Variants in FBXL14 observed in about 807,000 individuals in gnomAD.
FBXL14 encodes the protein F-box and leucine rich repeat protein 14.
Under a neutral mutation model 24.5 loss-of-function variants are expected in FBXL14, and 11 were observed. That is an observed-to-expected ratio of 0.45 (90% CI 0.28 to 0.74). The LOEUF (loss-of-function observed/expected upper bound fraction) is 0.74, where lower values mean the gene tolerates loss of function less well. FBXL14 is among the 30% of genes least tolerant of loss of function. FBXL14 has a pLI of 0.12. For missense variants in FBXL14, 384 were observed against 545.6 expected (o/e 0.70, Z 2.95); for synonymous variants, 294 against 240.4 (o/e 1.22, Z -2.06).
At chr12:1,591,374 CT>C (rs1438083880) in intron 1 of FBXL14, among the ~76,000 whole-genome samples, 30 of 132,484 alleles carry the variant, frequency 2.3e-4, no homozygotes, top group Admixed American at 2.1e-3. Context: ...CAAAAACATA[CT>C]TCATATTTCC....
At chr12:1,575,486 C>T (rs1490015665) in intron 1 of FBXL14, among the ~76,000 whole-genome samples, 2 of 152,166 alleles carry the variant, frequency 1.3e-5, no homozygotes, top group Admixed American at 6.5e-5. Flanking sequence ...GACACTGTGC[C>T]GTTCGGGATC....
chr12:1,578,814 G>A (rs1448168012), intron 1 of FBXL14, among the ~76,000 whole-genome samples: 3 of 152,146 alleles, frequency 2.0e-5, no homozygotes, highest in South Asian at 2.1e-4. Context: ...AGCTCTCCCT[G>A]TAACTTATCT....
In FBXL14 at chr12:1,569,585, A is replaced by G. The variant is rs992269509; in HGVS notation, c.1195-2775T>C. ...CCGGCTAATTTTTTGTGTTTTTAGT[A>G]GAGATGGGGTTTCACCGTGTTAGCC... On this transcript the variant is annotated intron_variant, in intron 1 of 1. Transcript: ENST00000339235. This position sits in a 1 kb window ranked among gnomAD's most constrained non-coding sequence, Gnocchi z 4.2. Among the ~76,000 whole-genome samples the G allele has an allele frequency of 3.3e-5, 5 of 152,038 alleles. No homozygotes were observed. The highest frequency in any genetic ancestry group is 5.9e-5 in the Non-Finnish European group (4 of 68,002).
rs2094438553 is a variant in FBXL14 at position 1,567,700 on chromosome 12, A to G, written c.1195-890T>C. Among the ~76,000 whole-genome samples, 1 of 152,164 alleles carries G rather than the reference A, an allele frequency of 6.6e-6. No individual in the cohort carries two copies. The highest frequency in any genetic ancestry group is 6.5e-5 in the Admixed American group (1 of 15,270). ...GCGCAATGAAAGCAGGGAGATGGGA[A>G]TCTAAGAAAAAACCAAATGAAGTGA... On this transcript the variant is annotated intron_variant, in intron 1 of 1. Transcript: ENST00000339235. The surrounding 1 kb of genome is among the most constrained non-coding windows in gnomAD (Gnocchi z 4.8).
chr12:1,577,559 C>T (rs2094458257), intron 1 of FBXL14, among the ~76,000 whole-genome samples: 1 of 152,258 alleles, frequency 6.6e-6, no homozygotes, highest in Non-Finnish European at 1.5e-5. Context: ...CATTATCACT[C>T]ACCTGCCCCC....
At chr12:1,580,239 C>T (rs143811796) in intron 1 of FBXL14, among the ~76,000 whole-genome samples, 206 of 152,308 alleles carry the variant, frequency 1.4e-3, no homozygotes, top group African/African-American at 4.7e-3. Context: ...GGTGTATGGA[C>T]ACAGAGCGAA....
intron 1 of FBXL14, chr12:1,587,610 C>T (rs1323201139): frequency 1.3e-5 from 2 of 152,236 alleles, no homozygotes; most frequent in African/African-American, 4.8e-5. Context: ...AAATTCCATA[C>T]AAGAGCTGAG....
intron 1 of FBXL14, among the ~76,000 whole-genome samples, chr12:1,584,640 ACAACCGT>A (rs1451674251): frequency 6.6e-6 from 1 of 152,216 alleles, no homozygotes; most frequent in Non-Finnish European, 1.5e-5. Context: ...TCTGCTTCGT[ACAACCGT>A]CAGCTGTCAG....
chr12:1,580,538 G>C (rs1295567033), intron 1 of FBXL14, among the ~76,000 whole-genome samples: 1 of 152,044 alleles, frequency 6.6e-6, no homozygotes, highest in Non-Finnish European at 1.5e-5. Context: ...ATAGTGGGGG[G>C]GGAGGTCCTT....
At chr12:1,582,206 AAGAG>A (rs954951347) in intron 1 of FBXL14, among the ~76,000 whole-genome samples, 11 of 152,022 alleles carry the variant, frequency 7.2e-5, no homozygotes, top group East Asian at 5.8e-4. Context: ...GGAAGAAAGA[AAGAG>A]AAAGAAGAAA....
intron 1 of FBXL14, among the ~76,000 whole-genome samples, chr12:1,590,584 T>C (rs993544869): frequency 6.6e-6 from 1 of 152,184 alleles, no homozygotes; most frequent in African/African-American, 2.4e-5. Context: ...AGGGAACTCT[T>C]GCTGGAATTC....
rs1488637700 is a variant in FBXL14 at position 1,581,833 on chromosome 12, T to C, written c.1194+11040A>G. On this transcript the variant is annotated intron_variant, in intron 1 of 1. Transcript: ENST00000339235. The stretch of plus-strand genomic sequence containing the variant: ...GAAAGAGGGCCTACCTTCTTGAAAA[T>C]GAAGCCCAGGGCCGGGCCTGGTGAC... 7.9e-5 allele frequency among the ~76,000 whole-genome samples: 12 copies of C among 152,210 alleles called. No homozygotes were observed. The East Asian group carries it at 2.1e-3, about 27-fold the overall frequency.
intron 1 of FBXL14, among the ~76,000 whole-genome samples, chr12:1,571,229 C>T (rs2094444995): frequency 2.0e-5 from 3 of 151,680 alleles, no homozygotes; most frequent in Non-Finnish European, 4.4e-5. Context: ...TTTTTTGAGA[C>T]AGAGTTTTTG....
intron 1 of FBXL14, among the ~76,000 whole-genome samples, chr12:1,571,436 G>T (rs1314031034): frequency 1.3e-5 from 2 of 152,104 alleles, no homozygotes; most frequent in Admixed American, 1.3e-4. Flanking sequence ...TCGAACTCCT[G>T]ACCTCAGGTG....
Position 1,594,041 on chromosome 12 carries a change from A to G in FBXL14, c.26T>C (p.Phe9Ser). ...GAAGATCATGGCCAGCAGCTCCGGG[A>G]ACAGGCATGAGATGTGGGTCTCCAT... Reference protein sequence around the residue: METHISCLFPELLAMIFGY... With the variant: METHISCLSPELLAMIFGY... Residue 9 changes from phenylalanine to serine, a missense_variant, in exon 1 of 2, where the codon TTC becomes TCC. Physicochemically the swap from Phe to Ser is radical, Grantham distance 155. Coordinates refer to ENST00000339235, the MANE Select transcript of FBXL14 (RefSeq NM_152441.3). 6.5e-7 allele frequency: 1 copy of G among 1,549,554 alleles called. No individual in the cohort carries two copies. Among genetic ancestry groups the G allele is most frequent in the Admixed American group, 1.9e-5 (1 of 53,704 alleles).
intron 1 of FBXL14, among the ~76,000 whole-genome samples, chr12:1,572,382 G>A (rs750447811): frequency 4.6e-5 from 7 of 152,234 alleles, no homozygotes; most frequent in South Asian, 2.1e-4. Flanking sequence ...CCTACTGTAC[G>A]TTTGCAACTG....
chr12:1,571,675 A>C (rs890978145), intron 1 of FBXL14, among the ~76,000 whole-genome samples: 2 of 152,214 alleles, frequency 1.3e-5, no homozygotes, highest in African/African-American at 4.8e-5. Flanking sequence ...GCAGTTATCA[A>C]AGAGCGACTT....
At chr12:1,580,472 G>A (rs61596884) in intron 1 of FBXL14, among the ~76,000 whole-genome samples, 8,785 of 152,216 alleles carry the variant, frequency 0.058, 506 homozygotes, top group African/African-American at 0.15. Context: ...TGTGCTTGGA[G>A]AACTGGACGG....
rs2094438203 is a variant in FBXL14, at chr12:1,567,469, C to T, written c.1195-659G>A. Among the ~76,000 whole-genome samples the T allele has an allele frequency of 2.0e-5, 3 of 151,606 alleles. No homozygotes were observed. The highest frequency in any genetic ancestry group is 4.2e-4 in the South Asian group (2 of 4,784). On this transcript the variant is annotated intron_variant, in intron 1 of 1. Coordinates refer to ENST00000339235, the MANE Select transcript of FBXL14 (RefSeq NM_152441.3). This position sits in a 1 kb window ranked among gnomAD's most constrained non-coding sequence, Gnocchi z 4.8. ...TCGCGCCACTGTACTGCAGCCTGGG[C>T]GACAGAGTGGTACTCTGTCTCAAAA...
Sources: allele counts gnomAD v4.1 joint callset (sites outside exome capture counted in the v4.1 genomes callset), GRCh38; gene constraint gnomAD v4.1.1; non-coding constraint Gnocchi (gnomAD v3.1); transcripts MANE v1.5; gene names NCBI Gene and HGNC (gene_info 2026-07-23, HGNC 2026-07-21).